Variants in TG observed in about 807,000 individuals in gnomAD.
TG encodes thyroid hormones.
A neutral mutation model predicts 324.7 loss-of-function variants in TG; 270 were observed. The ratio of observed to expected loss-of-function variants is 0.83; its 90% CI spans 0.75 to 0.92. TG has a LOEUF of 0.92. Ranked by LOEUF, TG falls within the 40% of genes least tolerant of loss-of-function variation. The probability of loss-of-function intolerance (pLI) is 0.00; values close to 1 mark genes in which losing one functional copy is unlikely to be tolerated. For missense variants in TG, 3,591 were observed against 3,456.4 expected (o/e 1.04, Z -0.98); for synonymous variants, 1,401 against 1,327.0 (o/e 1.06, Z -1.21).
intron 41 of TG, among the ~76,000 whole-genome samples, chr8:133,081,590 A>AG (rs1401477296): frequency 1.3e-5 from 2 of 151,852 alleles, no homozygotes; most frequent in African/African-American, 2.4e-5. Flanking sequence ...AAGAAGAAGA[A>AG]AAAAAAAGTA....
At chr8:132,868,042 C>A in intron 1 of TG, 73 bp from the exon 2 acceptor site, 1 of 1,361,544 alleles carries the variant, frequency 7.3e-7, no homozygotes, top group Non-Finnish European at 1.1e-6. Flanking sequence ...AGCATCTGTG[C>A]TTATGAGAGC....
chr8:132,962,475 A>G (rs1827898742), intron 28 of TG, among the ~76,000 whole-genome samples: 1 of 152,214 alleles, frequency 6.6e-6, no homozygotes, highest in Non-Finnish European at 1.5e-5. Context: ...ACATTTCTCC[A>G]GGACATTTGC....
rs150974407 is a variant in TG, at chr8:132,990,666, C to T, written c.6262+7254C>T. Among the ~76,000 whole-genome samples, 757 of 152,256 alleles carry T rather than the reference C, an allele frequency of 5.0e-3. 9 individuals carry two copies. The highest frequency in any genetic ancestry group is 0.017 in the African/African-American group (723 of 41,536). The stretch of plus-strand genomic sequence containing the variant: ...TCATGGAATGACTGAATATGCCAAT[C>T]ACCATGCTAAATGCTTTCTATATTT... On this transcript the variant is annotated intron_variant, in intron 35 of 47. Coordinates refer to ENST00000220616, the MANE Select transcript of TG (RefSeq NM_003235.5).
At chr8:132,927,855 G>C (rs1822104314) in intron 22 of TG, among the ~76,000 whole-genome samples, 3 of 152,196 alleles carry the variant, frequency 2.0e-5, no homozygotes, top group Admixed American at 1.3e-4. Flanking sequence ...TGCTGGACTG[G>C]AGCTTGCAGT....
At chr8:132,915,795 A>C (rs1408013830) in intron 20 of TG, among the ~76,000 whole-genome samples, 2 of 152,172 alleles carry the variant, frequency 1.3e-5, no homozygotes, top group Non-Finnish European at 2.9e-5. Flanking sequence ...CTTGCTCTAG[A>C]TAAACCTACA....
In TG at chr8:132,886,973, C is replaced by A. The variant is rs776248623; in HGVS notation, c.1601C>A (p.Thr534Asn). Residue 534 changes from threonine to asparagine, a missense_variant, in exon 9 of 48, where the codon ACC (threonine) becomes AAC (asparagine). Coordinates refer to ENST00000220616, the MANE Select transcript of TG (RefSeq NM_003235.5). ...VGLDSNSSTGTPEAAKKDGTM... is the reference protein window; with the variant it reads ...VGLDSNSSTGNPEAAKKDGTM... ...TTAGATTCAAATTCTTCCACAGGAA[C>A]CCCTGAAGCTGCTAAGAAGGATGGT... 2.5e-6 allele frequency: 4 copies of A among 1,614,056 alleles called. No homozygotes were observed. The South Asian group carries it at 3.3e-5, about 13-fold the overall frequency.
In TG at chr8:132,924,560, C is replaced by T. The variant is rs372333588; in HGVS notation, c.4699+1052C>T. 6.0e-4 allele frequency among the ~76,000 whole-genome samples: 92 copies of T among 152,320 alleles called. No homozygotes were observed. The South Asian group carries it at 0.01, about 17-fold the overall frequency. On this transcript the variant is annotated intron_variant, in intron 22 of 47. Transcript: ENST00000220616. ...ACGTATTGAGCTCTACCCTGTACCA[C>T]GTACAGTTCCTCAGTGAGATACTGG...
intron 37 of TG, among the ~76,000 whole-genome samples, chr8:133,016,270 A>T (rs898488149): frequency 6.6e-6 from 1 of 152,178 alleles, no homozygotes; most frequent in Non-Finnish European, 1.5e-5. Flanking sequence ...ACCCGCTGAC[A>T]TTTGGGGCTG....
intron 18 of TG, among the ~76,000 whole-genome samples, chr8:132,909,218 G>A (rs1000992588): frequency 2.6e-5 from 4 of 152,154 alleles, no homozygotes; most frequent in Admixed American, 2.6e-4. Context: ...CCTCACTGCA[G>A]CCTGGGGCCA....
intron 22 of TG, among the ~76,000 whole-genome samples, chr8:132,927,347 A>G (rs1409531242): frequency 6.6e-6 from 1 of 152,128 alleles, no homozygotes; most frequent in Admixed American, 6.5e-5. Context: ...TGAGGGTTCA[A>G]ATATGATCAG....
chr8:133,079,950 T>C (rs904381738), intron 41 of TG, among the ~76,000 whole-genome samples: 2 of 151,886 alleles, frequency 1.3e-5, no homozygotes, highest in Non-Finnish European at 2.9e-5. Context: ...TATGGCTAGA[T>C]GAGTGCTGAC....
chr8:132,901,949 T>G (rs1817990686), intron 16 of TG, among the ~76,000 whole-genome samples: 1 of 152,228 alleles, frequency 6.6e-6, no homozygotes, highest in African/African-American at 2.4e-5. Flanking sequence ...TGTTTATTTT[T>G]ATTTCAAGTT....
chr8:133,048,374 C>T (rs1182525519), intron 41 of TG, among the ~76,000 whole-genome samples: 1 of 152,142 alleles, frequency 6.6e-6, no homozygotes, highest in East Asian at 1.9e-4. Flanking sequence ...GCATGCACCA[C>T]CACGTCTGGC....
intron 25 of TG, among the ~76,000 whole-genome samples, chr8:132,938,347 G>A (rs539404928): frequency 2.0e-5 from 3 of 152,112 alleles, no homozygotes; most frequent in Admixed American, 6.5e-5. Flanking sequence ...GGGATGAGTC[G>A]TGGGGTCTCT....
chr8:133,058,284 G>A (rs952232101), intron 41 of TG, among the ~76,000 whole-genome samples: 9 of 152,162 alleles, frequency 5.9e-5, no homozygotes, highest in Admixed American at 2.6e-4. Context: ...GCTTGATGTG[G>A]TTGCCTGGAT....
At position 133,113,416 on chromosome 8, in the gene TG, T is replaced by G. The variant is rs774648914; in HGVS notation, c.7573-6T>G. On this transcript the variant is annotated splice_region_variant and splice_polypyrimidine_tract_variant and intron_variant, in intron 43 of 47. Coordinates refer to ENST00000220616, the MANE Select transcript of TG (RefSeq NM_003235.5). ...TGAGGAATTTCGTATCTTTTTTTTT[T>G]TCTAGCAATTTGAGGAAAGTCGAGG... is the stretch of plus-strand genomic sequence containing the variant. 1.7e-5 allele frequency: 27 copies of G among 1,614,092 alleles called. No individual in the cohort carries two copies. Among genetic ancestry groups the G allele is most frequent in the Non-Finnish European group, 2.3e-5 (27 of 1,180,008 alleles).
At chr8:132,928,203 A>C (rs913118426) in intron 22 of TG, among the ~76,000 whole-genome samples, 2 of 152,198 alleles carry the variant, frequency 1.3e-5, no homozygotes, top group Non-Finnish European at 2.9e-5. Context: ...ATGAAAACCC[A>C]TCTAGATATA....
chr8:133,047,237 T>G (rs1419418543), intron 41 of TG: 1 of 152,362 alleles, frequency 6.6e-6, no homozygotes. Flanking sequence ...TTAATGCATA[T>G]GATGCAAGGA....
chr8:133,015,894 G>T (rs892288418), intron 37 of TG, among the ~76,000 whole-genome samples: 1 of 152,152 alleles, frequency 6.6e-6, no homozygotes, highest in East Asian at 1.9e-4. Context: ...ATGTCTTTGC[G>T]ACAGAGAAGG....
Sources: allele counts gnomAD v4.1 joint callset (sites outside exome capture counted in the v4.1 genomes callset), GRCh38; gene constraint gnomAD v4.1.1; transcripts MANE v1.5; gene names NCBI Gene and HGNC (gene_info 2026-07-23, HGNC 2026-07-21).